SCN8A: variants seen among roughly 807,000 people sequenced by gnomAD.
SCN8A encodes sodium channel protein type 8 subunit alpha.
A neutral mutation model predicts 184.1 loss-of-function variants in SCN8A; 30 were observed. The observed-to-expected ratio is 0.16, with a 90% confidence interval of 0.12 to 0.22. SCN8A has a LOEUF of 0.22. SCN8A is among the 10% of genes least tolerant of loss of function. The probability of loss-of-function intolerance (pLI) is 1.00; values close to 1 mark genes in which losing one functional copy is unlikely to be tolerated. For missense variants in SCN8A, 1,057 were observed against 2,498.9 expected (o/e 0.42, Z 12.30); for synonymous variants, 852 against 907.0 (o/e 0.94, Z 1.09).
intron 1 of SCN8A, among the ~76,000 whole-genome samples, chr12:51,630,414 G>A (rs1470037472): frequency 6.6e-6 from 1 of 152,012 alleles, no homozygotes; most frequent in African/African-American, 2.4e-5. Flanking sequence ...GTCTTCAAGG[G>A]TGATCGATGT....
intron 1 of SCN8A, among the ~76,000 whole-genome samples, chr12:51,595,717 A>T (rs1005230567): frequency 6.6e-6 from 1 of 152,214 alleles, no homozygotes; most frequent in African/African-American, 2.4e-5. Flanking sequence ...CTTAATATAT[A>T]TTAGCCCCCT....
chr12:51,597,689 A>G (rs1298956968), intron 1 of SCN8A, among the ~76,000 whole-genome samples: 1 of 152,138 alleles, frequency 6.6e-6, no homozygotes, highest in African/African-American at 2.4e-5. Flanking sequence ...TCCTTATTTT[A>G]ATAGTATAGA....
At chr12:51,736,313 A>G (rs1592135124) in intron 12 of SCN8A, among the ~76,000 whole-genome samples, 1 of 152,250 alleles carries the variant, frequency 6.6e-6, no homozygotes, top group East Asian at 1.9e-4. Flanking sequence ...TCTGATTGGC[A>G]TGCAGCCCAG....
intron 26 of SCN8A, among the ~76,000 whole-genome samples, chr12:51,797,725 G>A (rs1938449348): frequency 6.6e-6 from 1 of 152,200 alleles, no homozygotes; most frequent in African/African-American, 2.4e-5. Context: ...TTGTGGAGCA[G>A]TAGACTGATT....
intron 12 of SCN8A, among the ~76,000 whole-genome samples, chr12:51,740,136 C>G (rs905692931): frequency 1.3e-5 from 2 of 152,240 alleles, no homozygotes; most frequent in Non-Finnish European, 2.9e-5. Context: ...GTTCCTTGCC[C>G]TCATTCCCGT....
At position 51,647,040 on chromosome 12, in the gene SCN8A, G is replaced by A. The variant is rs1940606153; in HGVS notation, c.-54-15724G>A. Among the ~76,000 whole-genome samples, 5 of 152,264 alleles carry A rather than the reference G, an allele frequency of 3.3e-5. 1 individual carries two copies. The South Asian group carries it at 1.0e-3, about 32-fold the overall frequency. On this transcript the variant is annotated intron_variant, in intron 1 of 26. Coordinates refer to ENST00000627620, the MANE Select transcript of SCN8A (RefSeq NM_001330260.2). ...TCCATTCTTAAGAATCTTTCTTAGT[G>A]TTTTTAGATTAAAATATCTAAGTAC...
rs578099884 is a variant in SCN8A, at chr12:51,717,404, C to T, written c.1636-4142C>T. ...CAATCAATTTCTAGAAAAATCATCACATTCTTAGATGTTATGACTGTGTCT... is the reference window on the plus strand; with the variant it reads ...CAATCAATTTCTAGAAAAATCATCATATTCTTAGATGTTATGACTGTGTCT... On this transcript the variant is annotated intron_variant, in intron 11 of 26. Transcript: ENST00000627620. 2.1e-4 allele frequency among the ~76,000 whole-genome samples: 32 copies of T among 152,326 alleles called. 7 individuals are homozygous for T. Among genetic ancestry groups the T allele is most frequent in the African/African-American group, 7.7e-4 (32 of 41,572 alleles).
At position 51,662,782 on chromosome 12, in the gene SCN8A, G is replaced by T. The variant is rs761704047; in HGVS notation, c.-36G>T. ...CTTCCAGAGCTGACCTGTCCTGGAC[G>T]CAGCATAACTAACGAAGCTGCTGCA... On this transcript the variant is annotated 5_prime_UTR_variant, in exon 2 of 27. Coordinates refer to ENST00000627620, the MANE Select transcript of SCN8A (RefSeq NM_001330260.2). 3.1e-6 allele frequency: 5 copies of T among 1,606,548 alleles called. No homozygotes were observed. In the African/African-American group the frequency reaches 4.0e-5, roughly 13 times the overall value.
At chr12:51,645,345 C>A (rs887198548) in intron 1 of SCN8A, among the ~76,000 whole-genome samples, 1 of 151,340 alleles carries the variant, frequency 6.6e-6, no homozygotes, top group Non-Finnish European at 1.5e-5. Flanking sequence ...GGGTTCAGCC[C>A]CCCGTCTGGC....
At chr12:51,602,628 A>C (rs79006923) in intron 1 of SCN8A, among the ~76,000 whole-genome samples, 1 of 152,180 alleles carries the variant, frequency 6.6e-6, no homozygotes, top group Non-Finnish European at 1.5e-5. Flanking sequence ...ACCACAATCA[A>C]TCAATCAATC....
At chr12:51,689,550 T>A in intron 6 of SCN8A, 1 of 153,852 alleles carries the variant, frequency 6.5e-6, no homozygotes, top group Non-Finnish European at 1.4e-5. Flanking sequence ...ATGAAATTTT[T>A]TAATCACAGA....
chr12:51,801,140 C>T (rs1001643542), intron 26 of SCN8A, among the ~76,000 whole-genome samples: 1 of 128,696 alleles, frequency 7.8e-6, no homozygotes, highest in Non-Finnish European at 1.7e-5. Context: ...AATGCCAGAG[C>T]TCTACACTAA....
chr12:51,691,171 C>T (rs962654695), intron 6 of SCN8A, among the ~76,000 whole-genome samples: 4 of 152,122 alleles, frequency 2.6e-5, no homozygotes, highest in African/African-American at 9.7e-5. Flanking sequence ...GTTTTCTGCT[C>T]ACTTCCCTCA....
intron 26 of SCN8A, among the ~76,000 whole-genome samples, chr12:51,803,002 G>A (rs1447661536): frequency 6.6e-6 from 1 of 152,098 alleles, no homozygotes; most frequent in African/African-American, 2.4e-5. Context: ...AATCTGTCAG[G>A]GTTTTCTAGA....
chr12:51,648,775 G>T lies in SCN8A; in HGVS notation c.-54-13989G>T, dbSNP rs189334998. Reference sequence around the variant, plus strand: ...GGGAGTACAATTCAAGATGAGATTTGGGTGGAGACACAGCTAAACCTTATC... The same window carrying T: ...GGGAGTACAATTCAAGATGAGATTTTGGTGGAGACACAGCTAAACCTTATC... On this transcript the variant is annotated intron_variant, in intron 1 of 26. Coordinates refer to ENST00000627620, the MANE Select transcript of SCN8A (RefSeq NM_001330260.2). 5.6e-3 allele frequency among the ~76,000 whole-genome samples: 857 copies of T among 152,232 alleles called. 6 individuals carry two copies. The highest frequency in any genetic ancestry group is 0.012 in the Admixed American group (182 of 15,306).
chr12:51,643,951 CATT>C (rs1351296151), intron 1 of SCN8A, among the ~76,000 whole-genome samples: 1 of 152,170 alleles, frequency 6.6e-6, no homozygotes, highest in Non-Finnish European at 1.5e-5. Flanking sequence ...AATTCTTGGT[CATT>C]GTTGTGTTAA....
intron 16 of SCN8A, chr12:51,768,025 C>T (rs954685195): frequency 2.0e-5 from 3 of 152,176 alleles, no homozygotes; most frequent in African/African-American, 7.2e-5. Flanking sequence ...AATCCGAACA[C>T]TTATAGTTCA....
intron 15 of SCN8A, among the ~76,000 whole-genome samples, chr12:51,764,334 C>T (rs977043636): frequency 6.6e-6 from 1 of 151,904 alleles, no homozygotes; most frequent in Non-Finnish European, 1.5e-5. Context: ...AGCCTTTATG[C>T]GTTATAATTC....
intron 2 of SCN8A, among the ~76,000 whole-genome samples, chr12:51,668,114 T>C (rs886409040): frequency 6.8e-6 from 1 of 147,302 alleles, no homozygotes; most frequent in Non-Finnish European, 1.5e-5. Flanking sequence ...ACCCGGGAGG[T>C]GGAGGTTGTG....
Sources: gnomAD v4.1 joint callset for allele counts (sites outside exome capture counted in the v4.1 genomes callset) on GRCh38, gnomAD v4.1.1 for gene constraint, MANE v1.5 for transcripts, NCBI Gene and HGNC (gene_info 2026-07-23, HGNC 2026-07-21) for gene names.